The following KCTD8 variants were observed in gnomAD, a reference collection of about 807,000 sequenced individuals.
KCTD8 encodes the protein potassium channel tetramerization domain containing 8, also known as BTB/POZ domain-containing protein KCTD8.
A neutral mutation model predicts 31.5 loss-of-function variants in KCTD8; 27 were observed. The ratio of observed to expected loss-of-function variants is 0.86; its 90% CI spans 0.63 to 1.18. The LOEUF (loss-of-function observed/expected upper bound fraction) is 1.18. KCTD8 is among the 50% of genes most tolerant of loss of function. KCTD8 has a pLI of 0.00. For synonymous variants in KCTD8, 290 were observed against 280.0 expected, an observed-to-expected ratio of 1.04 and a Z score of -0.36; for missense variants, 658 against 647.7, an observed-to-expected ratio of 1.02 and a Z score of -0.17.
At chr4:44,418,201 A>G (rs1721122597) in intron 1 of KCTD8, among the ~76,000 whole-genome samples, 1 of 152,164 alleles carries the variant, frequency 6.6e-6, no homozygotes, top group African/African-American at 2.4e-5. Context: ...AAAGACGACA[A>G]TGGAAAGAGG....
intron 1 of KCTD8, among the ~76,000 whole-genome samples, chr4:44,426,742 T>G (rs967353536): frequency 6.6e-6 from 1 of 151,880 alleles, no homozygotes; most frequent in African/African-American, 2.4e-5. Context: ...GCCGTATTGA[T>G]TTTTAGTTGC....
At chr4:44,414,624 C>T (rs1721031504) in intron 1 of KCTD8, among the ~76,000 whole-genome samples, 1 of 152,188 alleles carries the variant, frequency 6.6e-6, no homozygotes, top group Non-Finnish European at 1.5e-5. Context: ...ATAATCCCTT[C>T]ATGTCATCTT....
intron 1 of KCTD8, among the ~76,000 whole-genome samples, chr4:44,265,854 A>G (rs1296428101): frequency 1.3e-5 from 2 of 152,228 alleles, no homozygotes; most frequent in East Asian, 3.9e-4. Context: ...AAAAGAATAA[A>G]AAGAAATGAA....
intron 1 of KCTD8, among the ~76,000 whole-genome samples, chr4:44,226,390 C>T (rs1384972899): frequency 1.3e-5 from 2 of 152,140 alleles, no homozygotes; most frequent in African/African-American, 4.8e-5. Flanking sequence ...GTTATGGCTG[C>T]ATAGTATTCC....
intron 1 of KCTD8, among the ~76,000 whole-genome samples, chr4:44,319,553 A>G (rs997633494): frequency 2.0e-5 from 3 of 151,990 alleles, no homozygotes; most frequent in Non-Finnish European, 2.9e-5. Flanking sequence ...AAAATAATAG[A>G]TAAATCACTT....
chr4:44,200,701 T>A (rs944624191), intron 1 of KCTD8, among the ~76,000 whole-genome samples: 7 of 152,038 alleles, frequency 4.6e-5, no homozygotes, highest in Non-Finnish European at 2.9e-5. Context: ...ATGAACATCA[T>A]ACTGAACAGG....
intron 1 of KCTD8, among the ~76,000 whole-genome samples, chr4:44,409,904 C>CA (rs1307714916): frequency 6.6e-6 from 1 of 151,154 alleles, no homozygotes; most frequent in Non-Finnish European, 1.5e-5. Context: ...AGAAAACACA[C>CA]AAAAAAAGAT....
rs1237753873 is a variant in KCTD8 at position 44,423,357 on chromosome 4, G to A, written c.961+24206C>T. Among the ~76,000 whole-genome samples, 3 of 152,208 alleles carry A rather than the reference G, an allele frequency of 2.0e-5. No homozygotes were observed. In the East Asian group the frequency reaches 5.8e-4, roughly 29 times the overall value. ...TATGGAAATGTTTAAAGTAAATAAT[G>A]ACAACACTATAAATGCAAAATAATC... On this transcript the variant is annotated intron_variant, in intron 1 of 1. Transcript: ENST00000360029.
chr4:44,180,319 C>T (rs1338975616), intron 1 of KCTD8, among the ~76,000 whole-genome samples: 2 of 151,810 alleles, frequency 1.3e-5, no homozygotes, highest in Non-Finnish European at 2.9e-5. Flanking sequence ...TCATATTAAC[C>T]TAAGATTTAT....
chr4:44,307,202 A>G (rs1436864882), intron 1 of KCTD8, among the ~76,000 whole-genome samples: 1 of 152,050 alleles, frequency 6.6e-6, no homozygotes, highest in Non-Finnish European at 1.5e-5. Flanking sequence ...AACTGAGTGA[A>G]TGTTTGCTAG....
At chr4:44,399,741 C>T (rs888844557) in intron 1 of KCTD8, among the ~76,000 whole-genome samples, 2 of 152,130 alleles carry the variant, frequency 1.3e-5, no homozygotes, top group Non-Finnish European at 2.9e-5. Flanking sequence ...TCAAGTCATA[C>T]TAAGGGTACA....
chr4:44,408,739 C>T (rs13110747), intron 1 of KCTD8, among the ~76,000 whole-genome samples: 8,579 of 152,124 alleles, frequency 0.056, 300 homozygotes, highest in Admixed American at 0.11. Context: ...CTGCCTCAGC[C>T]TCCCAAGTAT....
intron 1 of KCTD8, among the ~76,000 whole-genome samples, chr4:44,227,551 T>C (rs184830573): frequency 6.6e-6 from 1 of 152,304 alleles, no homozygotes; most frequent in East Asian, 1.9e-4. Flanking sequence ...AGTGACAGAG[T>C]GTATGTAGTT....
At chr4:44,348,912 C>T (rs1291604100) in intron 1 of KCTD8, among the ~76,000 whole-genome samples, 1 of 152,120 alleles carries the variant, frequency 6.6e-6, no homozygotes, top group Non-Finnish European at 1.5e-5. Context: ...ACCCTTGAGC[C>T]TCATTTTTTT....
intron 1 of KCTD8, among the ~76,000 whole-genome samples, chr4:44,447,025 C>A (rs1721958942): frequency 6.6e-6 from 1 of 152,226 alleles, no homozygotes; most frequent in South Asian, 2.1e-4. Context: ...TTCTCCCCTG[C>A]CCTCTAGAAA....
At chr4:44,260,930 C>A (rs1185542279) in intron 1 of KCTD8, among the ~76,000 whole-genome samples, 1 of 151,820 alleles carries the variant, frequency 6.6e-6, no homozygotes, top group Non-Finnish European at 1.5e-5. Flanking sequence ...AGACTTAAAG[C>A]AGGGAGATGA....
intron 1 of KCTD8, among the ~76,000 whole-genome samples, chr4:44,427,816 A>C (rs1210729303): frequency 6.6e-6 from 1 of 151,894 alleles, no homozygotes; most frequent in Non-Finnish European, 1.5e-5. Flanking sequence ...CACAGCATAC[A>C]TTAAATAGAC....
intron 1 of KCTD8, among the ~76,000 whole-genome samples, chr4:44,186,646 C>A (rs543825147): frequency 6.6e-6 from 1 of 152,200 alleles, no homozygotes; most frequent in Non-Finnish European, 1.5e-5. Flanking sequence ...TGCCCGTCTG[C>A]GTCCTCCCCC....
At chr4:44,202,520 T>G (rs1714180672) in intron 1 of KCTD8, among the ~76,000 whole-genome samples, 1 of 152,254 alleles carries the variant, frequency 6.6e-6, no homozygotes, top group South Asian at 2.1e-4. Context: ...AGCAATTTTA[T>G]GCAGAAACAG....
Sources: allele counts gnomAD v4.1 joint callset (sites outside exome capture counted in the v4.1 genomes callset), GRCh38; gene constraint gnomAD v4.1.1; transcripts MANE v1.5; gene names NCBI Gene and HGNC (gene_info 2026-07-23, HGNC 2026-07-21).